The following SFPQ variants were observed in gnomAD, a reference collection of about 807,000 sequenced individuals.
SFPQ encodes the protein splicing factor proline and glutamine rich, also known as splicing factor, proline- and glutamine-rich.
In SFPQ, 11 loss-of-function variants were observed where a neutral mutation model predicts 72.9. That is an observed-to-expected ratio of 0.15 (90% CI 0.09 to 0.25). The LOEUF (loss-of-function observed/expected upper bound fraction) is 0.25, where lower values mean the gene tolerates loss of function less well. Ranked by LOEUF, SFPQ falls within the 10% of genes least tolerant of loss-of-function variation. The pLI, the probability that SFPQ is intolerant of heterozygous loss-of-function variation, is 1.00. For missense variants in SFPQ, 847 were observed against 993.3 expected, an observed-to-expected ratio of 0.85 and a Z score of 1.98; for synonymous variants, 506 against 367.3, an observed-to-expected ratio of 1.38 and a Z score of -4.32.
downstream of SFPQ, chr1:35,180,434 T>TC: frequency 1.9e-6 from 2 of 1,048,812 alleles, no homozygotes; most frequent in Non-Finnish European, 2.3e-6. Context: ...AACGACGATG[T>TC]CTTATGATTG....
chr1:35,192,531 C>A lies in SFPQ; in HGVS notation c.519G>T (p.Gly173=). The A allele has an allele frequency of 7.5e-7, 1 of 1,328,420 alleles. No homozygotes were observed. Among genetic ancestry groups the A allele is most frequent in the Non-Finnish European group, 9.6e-7 (1 of 1,045,756 alleles). 82.3% of individuals were successfully genotyped at this position (1,328,420 alleles called of 1,614,324 possible). The part of the protein sequence containing the change: ...GAPPPTPPSS[G]VPTTPPQAGG... Reference sequence around the variant, plus strand: ...CGGCCTGAGGAGGTGTGGTAGGGACCCCGCTGCTTGGCGGGGTGGGTGGCG... The same window carrying A: ...CGGCCTGAGGAGGTGTGGTAGGGACACCGCTGCTTGGCGGGGTGGGTGGCG... The change falls in exon 1 of 10, where the codon GGG becomes GGT. Residue 173 remains glycine, a synonymous_variant. Transcript: ENST00000357214.
At chr1:35,192,132 A>C in intron 1 of SFPQ, 90 bp downstream of exon 1, 2 of 1,116,470 alleles carry the variant, frequency 1.8e-6, no homozygotes, top group Non-Finnish European at 2.3e-6. Flanking sequence ...CCGGCAGCCG[A>C]CAAAATGGAA....
chr1:35,182,128 A>G (rs987534820), downstream of SFPQ: 4 of 985,266 alleles, frequency 4.1e-6, no homozygotes, highest in Admixed American at 6.1e-5. Flanking sequence ...AAACTGAAAC[A>G]TTAATTTTAT....
downstream of SFPQ, chr1:35,181,519 A>G (rs1007809473): frequency 9.4e-7 from 1 of 1,063,208 alleles, no homozygotes; most frequent in African/African-American, 1.6e-5. Context: ...GTTCTAAGCA[A>G]AGAGGATTAT....
Position 35,190,575 on chromosome 1 carries a change from A to T in SFPQ, c.1338T>A (p.Ile446=). The change falls in exon 4 of 10, where the codon ATT becomes ATA. Residue 446 remains isoleucine (I), a synonymous_variant. Transcript: ENST00000357214. ...FLLTTTPRPV[I]VEPLEQLDDE... is the part of the protein sequence containing the mutation. ...CATCTAGTTGTTCAAGTGGTTCCAC[A>T]ATGACTGGACGAGGAGTTCTAATAA... The T allele has an allele frequency of 6.2e-7, 1 of 1,613,862 alleles. No individual in the cohort carries two copies.
rs1570146923 is a variant in SFPQ, at chr1:35,193,072, A to C, written c.-23T>G. 6.6e-7 allele frequency: 1 copy of C among 1,526,356 alleles called. No homozygotes were observed. Among genetic ancestry groups the C allele is most frequent in the Admixed American group, 2.2e-5 (1 of 46,392 alleles). 94.6% of individuals were successfully genotyped at this position (1,526,356 alleles called of 1,614,324 possible). A position where few individuals can be genotyped will look rare whatever the true frequency, so the allele number is the denominator to read the frequency against. ...CATGTCTGTGGTCAAGGGGCGGTCG[A>C]GGCAAAAGCGAAGAAGACGCTCAGG... On this transcript the variant is annotated 5_prime_UTR_variant, in exon 1 of 10. Coordinates refer to ENST00000357214, the MANE Select transcript of SFPQ (RefSeq NM_005066.3).
Position 35,192,444 on chromosome 1 carries a change from T to C in SFPQ, c.606A>G (p.Pro202=), listed in dbSNP as rs1640067247. 2.8e-6 allele frequency: 4 copies of C among 1,407,844 alleles called. No homozygotes were observed. The African/African-American group carries it at 6.1e-5, about 21-fold the overall frequency. 87.2% of individuals were successfully genotyped at this position (1,407,844 alleles called of 1,614,324 possible). Residue 202 remains proline (P), a synonymous_variant, in exon 1 of 10, where the codon CCA becomes CCG. Coordinates refer to ENST00000357214, the MANE Select transcript of SFPQ (RefSeq NM_005066.3). ...PGPGPGPKQG[P]GPGGPKGGKM... is the part of the protein sequence containing the mutation. ...TGCCGCCTTTGGGACCACCCGGACC[T>C]GGGCCCTGCTTAGGCCCTGGACCCG... is the stretch of plus-strand genomic sequence containing the variant.
At chr1:35,188,896 G>A (rs1639859584) in intron 6 of SFPQ, 107 bp downstream of exon 6, 2 of 823,716 alleles carry the variant, frequency 2.4e-6, no homozygotes, top group African/African-American at 1.7e-5. Context: ...AGGAAGCGGA[G>A]GTTGTGGTGA....
intron 5 of SFPQ, chr1:35,177,137 C>T (rs1639278877): frequency 6.6e-6 from 1 of 152,188 alleles, no homozygotes; most frequent in Non-Finnish European, 1.5e-5. Context: ...ATCGCTTGAA[C>T]CCAGGAGGTG....
downstream of SFPQ, chr1:35,181,462 C>T (rs1400095871): frequency 5.6e-6 from 6 of 1,063,372 alleles, no homozygotes; most frequent in African/African-American, 4.9e-5. Flanking sequence ...TGGTACAATA[C>T]ATCTATAAAG....
downstream of SFPQ, chr1:35,181,179 T>C (rs1639450799): frequency 9.4e-7 from 1 of 1,065,296 alleles, no homozygotes; most frequent in Admixed American, 5.3e-5. Flanking sequence ...GCAGGAATAC[T>C]ACATCCGGGT....
chr1:35,181,593 TAAC>T, downstream of SFPQ: 1 of 1,061,014 alleles, frequency 9.4e-7, no homozygotes, highest in Non-Finnish European at 1.1e-6. Flanking sequence ...ACTGGGGTCT[TAAC>T]AATATGCAGT....
intron 4 of SFPQ, among the ~76,000 whole-genome samples, chr1:35,190,148 T>A (rs541881328): frequency 3.3e-5 from 5 of 151,226 alleles, no homozygotes; most frequent in Non-Finnish European, 7.4e-5. Flanking sequence ...TAATCCCAGC[T>A]ACCTGGGAGG....
downstream of SFPQ, chr1:35,181,677 A>G (rs1004729069): frequency 3.8e-6 from 4 of 1,060,878 alleles, no homozygotes; most frequent in Non-Finnish European, 4.6e-6. Flanking sequence ...GAAAGTGGAG[A>G]AGAGGAAATG....
chr1:35,178,530 T>C (rs771339539), downstream of SFPQ: 3 of 1,061,820 alleles, frequency 2.8e-6, no homozygotes, highest in Non-Finnish European at 3.4e-6. Flanking sequence ...CTGTAGTTGT[T>C]GTCCTGCAAT....
downstream of SFPQ, chr1:35,180,694 A>T (rs1639430587): frequency 9.5e-7 from 1 of 1,056,680 alleles, no homozygotes. Context: ...AAGATTGCAT[A>T]ATGAAATTAC....
chr1:35,177,381 T>C (rs1432614097), exon 5 of SFPQ: 1 of 152,184 alleles, frequency 6.6e-6, no homozygotes, highest in Non-Finnish European at 1.5e-5. Flanking sequence ...GTGTGATGTC[T>C]TGAGAAGTAT....
At chr1:35,188,651 T>C (rs1275976446) in intron 6 of SFPQ, among the ~76,000 whole-genome samples, 2 of 151,656 alleles carry the variant, frequency 1.3e-5, no homozygotes, top group East Asian at 3.9e-4. Flanking sequence ...CCTGGGCCCA[T>C]CTCAAAAAAG....
At chr1:35,182,897 G>A (rs1356922228), downstream of SFPQ, 7 of 1,045,440 alleles carry the variant, frequency 6.7e-6, no homozygotes, top group African/African-American at 1.7e-5. Flanking sequence ...AATGGAAGGG[G>A]GTTCAATGAA....
Sources: allele counts gnomAD v4.1 joint callset (sites outside exome capture counted in the v4.1 genomes callset), GRCh38; gene constraint gnomAD v4.1.1; transcripts MANE v1.5; gene names NCBI Gene and HGNC (gene_info 2026-07-23, HGNC 2026-07-21).